PSG8: variants seen among roughly 807,000 people sequenced by gnomAD.
PSG8 encodes the protein pregnancy specific beta-1-glycoprotein 8.
In PSG8, 57 loss-of-function variants were observed where a neutral mutation model predicts 42.5. That is an observed-to-expected ratio of 1.34 (90% confidence interval 1.08 to 1.67). The LOEUF is 1.67. Among genes scored for constraint, PSG8 ranks in the 40% most tolerant of loss-of-function variants. The pLI, the probability that PSG8 is intolerant of heterozygous loss-of-function variation, is 0.00. For synonymous variants in PSG8, 280 were observed against 196.8 expected, an observed-to-expected ratio of 1.42 and a Z score of -3.54; for missense variants, 783 against 518.6, an observed-to-expected ratio of 1.51 and a Z score of -4.95.
At position 42,755,261 on chromosome 19, in the gene PSG8, G is replaced by A. The variant is rs985811256; in HGVS notation, c.715C>T (p.Leu239=). ...TTGATGGTGATGTAGGGCTTGGGCA[G>A]CTTCGCTGTGTGGATAACAGAGAGA... is the stretch of plus-strand genomic sequence containing the variant. ...DPFTLNLLPK[L]PKPYITINNL... The change falls in exon 4 of 5, where the codon CTG becomes TTG. Residue 239 remains leucine, a synonymous_variant. Coordinates refer to ENST00000306511, the MANE Select transcript of PSG8 (RefSeq NM_182707.3). The A allele has an allele frequency of 6.2e-7, 1 of 1,612,006 alleles. No homozygotes were observed. Among genetic ancestry groups the A allele is most frequent in the African/African-American group, 1.3e-5 (1 of 74,842 alleles).
intron 1 of PSG8, among the ~76,000 whole-genome samples, chr19:42,764,769 A>C (rs1777471928): frequency 6.6e-6 from 1 of 152,000 alleles, no homozygotes; most frequent in African/African-American, 2.4e-5. Flanking sequence ...TGACAGCGTG[A>C]GCTCCATGAG....
At chr19:42,761,249 A>T (rs746038108) in intron 2 of PSG8, among the ~76,000 whole-genome samples, 1 of 152,206 alleles carries the variant, frequency 6.6e-6, no homozygotes, top group African/African-American at 2.4e-5. Flanking sequence ...TATGGTTTAA[A>T]TTTGAAGCAA....
At chr19:42,758,553 C>T (rs1206751736) in intron 2 of PSG8, 7 of 657,860 alleles carry the variant, frequency 1.1e-5, no homozygotes, top group Non-Finnish European at 1.6e-5. Flanking sequence ...AGTCACAGCC[C>T]CTGTTGCCTC....
chr19:42,756,737 C>A (rs1969936645), intron 3 of PSG8, among the ~76,000 whole-genome samples: 1 of 152,078 alleles, frequency 6.6e-6, no homozygotes, highest in Admixed American at 6.5e-5. Context: ...CCTTTGAAGG[C>A]TGATTGCTAT....
chr19:42,764,596 G>GGAT (rs1970169240), intron 1 of PSG8, among the ~76,000 whole-genome samples: 1 of 151,964 alleles, frequency 6.6e-6, no homozygotes, highest in South Asian at 2.1e-4. Flanking sequence ...ACTGCCCTCA[G>GGAT]GTCCTGCTCA....
chr19:42,761,216 C>A (rs1197024124), intron 2 of PSG8, among the ~76,000 whole-genome samples: 2 of 152,176 alleles, frequency 1.3e-5, no homozygotes, highest in South Asian at 4.1e-4. Context: ...ATAGGCCAGG[C>A]TAACCTTGGG....
chr19:42,756,557 C>G (rs992382880), intron 3 of PSG8, among the ~76,000 whole-genome samples: 8 of 152,062 alleles, frequency 5.3e-5, no homozygotes, highest in Non-Finnish European at 1.0e-4. Flanking sequence ...CTCCAGTGAG[C>G]ATTTCTTTTC....
Position 42,758,009 on chromosome 19 carries a change from A to T in PSG8, c.702T>A (p.Asn234Lys). 6.2e-7 allele frequency: 1 copy of T among 1,613,970 alleles called. No homozygotes were observed. Among genetic ancestry groups the T allele is most frequent in the Non-Finnish European group, 8.5e-7 (1 of 1,179,948 alleles). Residue 234 changes from asparagine (N) to lysine (K), a missense_variant, in exon 3 of 5, where the codon AAT becomes AAA. Coordinates refer to ENST00000306511, the MANE Select transcript of PSG8 (RefSeq NM_182707.3). ...SASRSDPFTLNLLPKLPKPYI... is the reference protein window; with the variant it reads ...SASRSDPFTLKLLPKLPKPYI... Reference sequence around the variant, plus strand: ...GGAACAGAAAATACTCACGGAGGAGATTCAGGGTGAATGGGTCACTGCGGC... The same window carrying T: ...GGAACAGAAAATACTCACGGAGGAGTTTCAGGGTGAATGGGTCACTGCGGC...
rs867318765 is a variant in PSG8, at chr19:42,764,422, A to G, written c.65-141T>C. On this transcript the variant is annotated intron_variant, in intron 1 of 4. Transcript: ENST00000306511. ...CACACATACAAACACACGCACACACACACACAAAAGCGGCATGTGTGTCTG... is the reference window on the plus strand; with the variant it reads ...CACACATACAAACACACGCACACACGCACACAAAAGCGGCATGTGTGTCTG... 7.8e-6 allele frequency: 11 copies of G among 1,406,674 alleles called. No homozygotes were observed. The South Asian group carries it at 1.3e-4, about 16-fold the overall frequency. The allele number at this position is 1,406,674 out of a possible 1,614,324, so 87.1% of individuals were successfully genotyped here. A position where few individuals can be genotyped will look rare whatever the true frequency, so the allele number is the denominator to read the frequency against.
chr19:42,754,145 G>C, downstream of PSG8: 1 of 1,416,820 alleles, frequency 7.1e-7, no homozygotes, highest in Non-Finnish European at 9.5e-7. Context: ...ATTTTATGAA[G>C]ATATCAGCCT....
intron 3 of PSG8, 148 bp from the exon 4 acceptor site, chr19:42,755,414 C>T (rs1176781671): frequency 4.2e-6 from 6 of 1,429,350 alleles, no homozygotes; most frequent in Admixed American, 2.2e-5. Context: ...AAGACAGATG[C>T]ATGATGATCT....
Position 42,758,045 on chromosome 19 carries a change from T to C in PSG8, c.666A>G (p.Pro222=). The C allele has an allele frequency of 2.5e-6, 4 of 1,613,740 alleles. No individual in the cohort carries two copies. Among genetic ancestry groups the C allele is most frequent in the Non-Finnish European group, 3.4e-6 (4 of 1,179,956 alleles). Residue 222 remains proline, a synonymous_variant, in exon 3 of 5, where the codon CCA becomes CCG. Coordinates refer to ENST00000306511, the MANE Select transcript of PSG8 (RefSeq NM_182707.3). ...ATGGGTCACTGCGGCTGGCACTCACTGGGTTCCGTATTTCACATTCATAGG... is the reference window on the plus strand; with the variant it reads ...ATGGGTCACTGCGGCTGGCACTCACCGGGTTCCGTATTTCACATTCATAGG... ...AGPYECEIRN[P]VSASRSDPFT...
chr19:42,759,801 C>T (rs1237639268), intron 2 of PSG8, among the ~76,000 whole-genome samples: 1 of 152,110 alleles, frequency 6.6e-6, no homozygotes, highest in Non-Finnish European at 1.5e-5. Flanking sequence ...CATCTAAGAT[C>T]AATTGCTGGT....
rs560869960 is a variant in PSG8 at position 42,758,311 on chromosome 19, G to A, written c.431-31C>T. On this transcript the variant is annotated intron_variant, in intron 2 of 4. Transcript: ENST00000306511. ...CAGAAAACAGAGAGAAGATTGCCCT[G>A]TGTGGCACCTTTGATTCCTCCAAAG... The A allele has an allele frequency of 3.9e-5, 63 of 1,601,554 alleles. No homozygotes were observed. The East Asian group carries it at 8.1e-4, about 20-fold the overall frequency.
rs1049170172 is a variant in PSG8, at chr19:42,754,702, C to A, written c.989-115G>T. ...CCAAGACACACCCTCAAGTCCCAGC[C>A]CAACCCCCTCTATGTTCACTGAGCC... On this transcript the variant is annotated intron_variant, in intron 4 of 4. Transcript: ENST00000306511. The A allele has an allele frequency of 1.5e-4, 203 of 1,353,170 alleles. 1 individual carries two copies. The highest frequency in any genetic ancestry group is 2.0e-4 in the Non-Finnish European group (197 of 1,004,154). The allele number at this position is 1,353,170 out of a possible 1,614,324, so 83.8% of individuals were successfully genotyped here.
In PSG8 at chr19:42,765,547, C is replaced by T. The variant is rs7260508; in HGVS notation, c.35G>A (p.Arg12His). 476,228 of 1,582,214 alleles carry T rather than the reference C, an allele frequency of 0.3. 82,612 individuals carry two copies. The highest frequency in any genetic ancestry group is 0.67 in the African/African-American group (49,432 of 73,488). ...GLLSAPPCTQ[R>H]ITWKGLLLTA... ...GAGCAGGAGCCCCTTCCAGGTGATG[C>T]GCTGTGTGCAGGGAGGGGCTGAGAG... Residue 12 changes from arginine (R) to histidine (H), a missense_variant, in exon 1 of 5, where the codon CGC becomes CAC. Transcript: ENST00000306511.
chr19:42,762,693 G>C (rs1454640966), intron 2 of PSG8, among the ~76,000 whole-genome samples: 1 of 151,908 alleles, frequency 6.6e-6, no homozygotes, highest in African/African-American at 2.4e-5. Flanking sequence ...GTTCAGTGAT[G>C]GGGGCTAAGA....
chr19:42,763,217 G>C (rs1447589691), intron 2 of PSG8, among the ~76,000 whole-genome samples: 5 of 151,236 alleles, frequency 3.3e-5, no homozygotes, highest in East Asian at 3.9e-4. Context: ...CTTCTCTCTT[G>C]TGTTTCTGCT....
chr19:42,762,221 G>A (rs1379576252), intron 2 of PSG8, among the ~76,000 whole-genome samples: 3 of 151,986 alleles, frequency 2.0e-5, no homozygotes, highest in East Asian at 1.9e-4. Context: ...AGGAAGATGA[G>A]GGACACAGAG....
Sources: allele counts gnomAD v4.1 joint callset (sites outside exome capture counted in the v4.1 genomes callset), GRCh38; gene constraint gnomAD v4.1.1; transcripts MANE v1.5; gene names NCBI Gene and HGNC (gene_info 2026-07-23, HGNC 2026-07-21).